The following ZNF423 variants were observed in gnomAD, a reference collection of about 807,000 sequenced individuals.
The protein encoded by ZNF423 is zinc finger protein 423, also known as Ebf-associated zinc finger protein.
ZNF423 carries 12 observed loss-of-function variants against 95.8 expected under a neutral mutation model. The observed-to-expected ratio is 0.13, with a 90% CI of 0.08 to 0.20. The LOEUF (loss-of-function observed/expected upper bound fraction) is 0.20, where lower values mean the gene tolerates loss of function less well. Ranked by LOEUF, ZNF423 falls within the 10% of genes least tolerant of loss-of-function variation. ZNF423 has a pLI of 1.00. For synonymous variants in ZNF423, 749 were observed against 711.9 expected, an observed-to-expected ratio of 1.05 and a Z score of -0.83; for missense variants, 1,316 against 1,737.1, an observed-to-expected ratio of 0.76 and a Z score of 4.31.
intron 5 of ZNF423, among the ~76,000 whole-genome samples, chr16:49,532,588 A>T (rs1293206422): frequency 1.3e-5 from 2 of 152,160 alleles, no homozygotes; most frequent in African/African-American, 2.4e-5. Flanking sequence ...GAGCCCTGAC[A>T]ATTAGGCAGT....
At chr16:49,674,880 C>T (rs372428361) in intron 3 of ZNF423, among the ~76,000 whole-genome samples, 1 of 152,144 alleles carries the variant, frequency 6.6e-6, no homozygotes, top group African/African-American at 2.4e-5. Context: ...CCCTTCCCCT[C>T]CAATCATGAC....
chr16:49,665,446 G>A (rs879581136), intron 3 of ZNF423, among the ~76,000 whole-genome samples: 8 of 152,162 alleles, frequency 5.3e-5, no homozygotes, highest in African/African-American at 9.7e-5. Context: ...GAACAGGGGC[G>A]CAGTAAGGGT....
intron 3 of ZNF423, among the ~76,000 whole-genome samples, chr16:49,676,687 G>C (rs2031064322): frequency 6.6e-6 from 1 of 152,192 alleles, no homozygotes; most frequent in Non-Finnish European, 1.5e-5. Context: ...GGCATGGAAA[G>C]GATTTCTGTT....
intron 1 of ZNF423, among the ~76,000 whole-genome samples, chr16:49,828,939 C>A (rs970280468): frequency 2.0e-5 from 3 of 152,212 alleles, no homozygotes; most frequent in Non-Finnish European, 4.4e-5. Flanking sequence ...CCTTTCTAGC[C>A]TGGTTCCACT....
At chr16:49,700,168 GA>G (rs1460590181) in intron 3 of ZNF423, among the ~76,000 whole-genome samples, 2 of 25,962 alleles carry the variant, frequency 7.7e-5, no homozygotes, top group African/African-American at 1.3e-4. Flanking sequence ...CGCTTTGAAA[GA>G]AAAAGGAAAA....
chr16:49,521,649 T>G (rs1968400751), intron 7 of ZNF423, among the ~76,000 whole-genome samples: 1 of 152,218 alleles, frequency 6.6e-6, no homozygotes, highest in African/African-American at 2.4e-5. Context: ...TCTGTATGAT[T>G]GGTTTCATAA....
chr16:49,766,712 G>A (rs1313015316), intron 2 of ZNF423, among the ~76,000 whole-genome samples: 1 of 152,218 alleles, frequency 6.6e-6, no homozygotes, highest in Non-Finnish European at 1.5e-5. Flanking sequence ...CTGCATCTCG[G>A]CAATAAAAGC....
At chr16:49,804,889 A>AGCT (rs1178483260) in intron 1 of ZNF423, among the ~76,000 whole-genome samples, 5 of 134,210 alleles carry the variant, frequency 3.7e-5, no homozygotes, top group Non-Finnish European at 7.8e-5. Context: ...CTGATCCCAC[A>AGCT]GCTTTTTTTT....
At chr16:49,698,937 G>A (rs1256018004) in intron 3 of ZNF423, among the ~76,000 whole-genome samples, 2 of 152,226 alleles carry the variant, frequency 1.3e-5, no homozygotes, top group African/African-American at 4.8e-5. Flanking sequence ...CGGAGCTCCA[G>A]TAATTTTCTG....
At chr16:49,790,956 G>A (rs960028158) in intron 1 of ZNF423, among the ~76,000 whole-genome samples, 4 of 152,136 alleles carry the variant, frequency 2.6e-5, no homozygotes, top group African/African-American at 9.7e-5. Flanking sequence ...AGTGGGGGTC[G>A]ATGCCACAAC....
chr16:49,587,812 A>G (rs1171864358), intron 5 of ZNF423, among the ~76,000 whole-genome samples: 1 of 151,998 alleles, frequency 6.6e-6, no homozygotes, highest in African/African-American at 2.4e-5. Flanking sequence ...TGTACTTATC[A>G]CCTAAGAATT....
At chr16:49,599,372 A>G (rs1194200028) in intron 5 of ZNF423, among the ~76,000 whole-genome samples, 2 of 152,226 alleles carry the variant, frequency 1.3e-5, no homozygotes, top group African/African-American at 4.8e-5. Flanking sequence ...AAAAGGCTCC[A>G]GTCCCTCAGT....
intron 3 of ZNF423, among the ~76,000 whole-genome samples, chr16:49,658,241 G>A (rs1055352265): frequency 1.3e-5 from 2 of 152,332 alleles, no homozygotes; most frequent in South Asian, 4.1e-4. Flanking sequence ...GCAGTGCAGG[G>A]ACGAGGGCGC....
At chr16:49,581,335 G>T (rs1026511422) in intron 5 of ZNF423, among the ~76,000 whole-genome samples, 7 of 152,168 alleles carry the variant, frequency 4.6e-5, no homozygotes. Flanking sequence ...GCTGAGATGC[G>T]CAGCCCCATC....
intron 5 of ZNF423, among the ~76,000 whole-genome samples, chr16:49,578,138 G>A (rs1970555771): frequency 6.6e-6 from 1 of 152,168 alleles, no homozygotes; most frequent in Non-Finnish European, 1.5e-5. Flanking sequence ...CACACAAATG[G>A]CACCAGTCCC....
chr16:49,743,168 C>T (rs1488741671), intron 2 of ZNF423, among the ~76,000 whole-genome samples: 1 of 152,180 alleles, frequency 6.6e-6, no homozygotes, highest in Non-Finnish European at 1.5e-5. Flanking sequence ...CAGGGTCCCG[C>T]AGCAGCACTT....
chr16:49,638,727 A>G lies in ZNF423; in HGVS notation c.449T>C (p.Phe150Ser). 1 of 1,614,156 alleles carries G rather than the reference A, an allele frequency of 6.2e-7. No individual in the cohort carries two copies. Among genetic ancestry groups the G allele is most frequent in the Non-Finnish European group, 8.5e-7 (1 of 1,180,044 alleles). Residue 150 changes from phenylalanine to serine, a missense_variant, in exon 4 of 8, where the codon TTC becomes TCC. This residue lies in a region of ZNF423 where 58 missense variants were observed against 116.9 expected (regional missense o/e 0.50). Coordinates refer to ENST00000563137, the MANE Select transcript of ZNF423 (RefSeq NM_001379286.1). The surrounding 1 kb of genome is among the most constrained non-coding windows in gnomAD (Gnocchi z 5.6). ...GGTGLPYPCQ[F>S]CDKSFIRLSY... is the part of the protein sequence containing the mutation. ...CAAGCGGATGAAGGACTTGTCGCAGAACTGGCAAGGGTATGGCAGGCCCGT... is the reference window on the plus strand; with the variant it reads ...CAAGCGGATGAAGGACTTGTCGCAGGACTGGCAAGGGTATGGCAGGCCCGT...
chr16:49,558,775 T>A (rs1313968650), intron 5 of ZNF423, among the ~76,000 whole-genome samples: 1 of 152,176 alleles, frequency 6.6e-6, no homozygotes, highest in East Asian at 1.9e-4. Flanking sequence ...CCTTTCAACC[T>A]CCAGAAGACA....
At position 49,489,740 on chromosome 16, in the gene ZNF423, A is replaced by C. The variant is rs1359589432; in HGVS notation, c.*1535T>G. ...TTCCGCTCTGCAGAGGGTAATAACC[A>C]ATTTCCTTGCCCCTTGTGAAAAGTT... On this transcript the variant is annotated 3_prime_UTR_variant, in exon 8 of 8. Transcript: ENST00000563137. 2 of 152,216 alleles carry C rather than the reference A, an allele frequency of 1.3e-5. No individual in the cohort carries two copies. The highest frequency in any genetic ancestry group is 2.9e-5 in the Non-Finnish European group (2 of 68,030). 9.4% of individuals were successfully genotyped at this position (152,216 alleles called of 1,614,324 possible). A position where few individuals can be genotyped will look rare whatever the true frequency, so the allele number is the denominator to read the frequency against.
Sources: gnomAD v4.1 joint callset for allele counts (sites outside exome capture counted in the v4.1 genomes callset) on GRCh38, gnomAD v4.1.1 for gene constraint, gnomAD v4.1.1 regional missense constraint, Gnocchi (gnomAD v3.1) non-coding constraint, MANE v1.5 for transcripts, NCBI Gene and HGNC (gene_info 2026-07-23, HGNC 2026-07-21) for gene names.